RAB44: variants seen among roughly 807,000 people sequenced by gnomAD.
RAB44 encodes the protein ras-related protein Rab-44.
RAB44 carries 67 observed loss-of-function variants against 93.3 expected under a neutral mutation model. The ratio of observed to expected loss-of-function variants is 0.72; its 90% CI spans 0.59 to 0.88. The LOEUF is 0.88. Ranked by LOEUF, RAB44 falls within the 40% of genes least tolerant of loss-of-function variation. RAB44 has a pLI of 0.00. For synonymous variants in RAB44, 427 were observed against 520.3 expected, an observed-to-expected ratio of 0.82 and a Z score of 2.44; for missense variants, 1,064 against 1,261.7, an observed-to-expected ratio of 0.84 and a Z score of 2.37.
intron 11 of RAB44, 125 bp downstream of exon 11, chr6:36,727,816 A>AT: frequency 2.9e-6 from 2 of 688,426 alleles, no homozygotes; most frequent in Non-Finnish European, 5.2e-6. Flanking sequence ...GACACCACCC[A>AT]CTGAGGGCAT....
Position 36,722,659 on chromosome 6 carries a change from C to T in RAB44, c.2525C>T (p.Ser842Phe). 2.6e-6 allele frequency: 4 copies of T among 1,550,654 alleles called. No homozygotes were observed. Among genetic ancestry groups the T allele is most frequent in the Non-Finnish European group, 3.5e-6 (4 of 1,147,010 alleles). The change falls in exon 9 of 14, where the codon TCC becomes TTC. Residue 842 changes from serine to phenylalanine, a missense_variant. By Grantham distance (155) the Ser-to-Phe change is radical (BLOSUM62 -2). Coordinates refer to ENST00000612677, the MANE Select transcript of RAB44 (RefSeq NM_001257357.2). ...YLFHVIFLGDSNVGKTSFLHL... is the reference protein window; with the variant it reads ...YLFHVIFLGDFNVGKTSFLHL... The stretch of plus-strand genomic sequence containing the variant: ...TTCCATGTCATCTTTCTGGGAGACT[C>T]CAACGTGGGCAAAACATCCTTCCTG...
chr6:36,727,784 A>G (rs1763274662), intron 11 of RAB44, 93 bp downstream of exon 11: 1 of 841,744 alleles, frequency 1.2e-6, no homozygotes, highest in Admixed American at 2.0e-5. Flanking sequence ...AGGATTACAA[A>G]TGACATGACA....
rs116730121 is a variant in RAB44 at position 36,704,189 on chromosome 6, C to T, written c.-12-35C>T. ...TGAGCCATGAGAGGGCGTGACTGTCCAGCAGCCCGGTGCCCCTCACTCCTC... is the reference window on the plus strand; with the variant it reads ...TGAGCCATGAGAGGGCGTGACTGTCTAGCAGCCCGGTGCCCCTCACTCCTC... On this transcript the variant is annotated intron_variant, in intron 1 of 13. Transcript: ENST00000612677. 4,638 of 1,506,270 alleles carry T rather than the reference C, an allele frequency of 3.1e-3. 107 individuals carry two copies. The African/African-American group carries it at 0.052, about 17-fold the overall frequency. 93.3% of individuals were successfully genotyped at this position (1,506,270 alleles called of 1,614,324 possible).
rs1018075279 is a variant in RAB44 at position 36,721,235 on chromosome 6, C to T, written c.1101C>T (p.Asn367=). The T allele has an allele frequency of 2.4e-5, 30 of 1,228,308 alleles. No individual in the cohort carries two copies. The Admixed American group carries it at 3.4e-4, about 14-fold the overall frequency. 76.1% of individuals were successfully genotyped at this position (1,228,308 alleles called of 1,614,324 possible). The part of the protein sequence containing the change: ...EAPLPGLFGD[N]DDWDQLLSNF... ...CCCTGCCTGGGCTATTTGGGGACAA[C>T]GATGACTGGGACCAGCTACTGAGCA... Residue 367 remains asparagine (N), a synonymous_variant, in exon 9 of 14, where the codon AAC becomes AAT. Coordinates refer to ENST00000612677, the MANE Select transcript of RAB44 (RefSeq NM_001257357.2).
At chr6:36,727,242 T>C (rs577037582) in intron 10 of RAB44, among the ~76,000 whole-genome samples, 4 of 152,208 alleles carry the variant, frequency 2.6e-5, no homozygotes, top group Non-Finnish European at 5.9e-5. Context: ...TGGGTGTATA[T>C]ATGTGTGTGT....
chr6:36,722,272 A>G lies in RAB44; in HGVS notation c.2138A>G (p.Gln713Arg), dbSNP rs1191569046. ...LETAHSELPQ[Q>R]DSLLVSLPSA... is the part of the protein sequence containing the mutation. Reference sequence around the variant, plus strand: ...ACTGCGCATTCGGAACTCCCCCAGCAAGACTCTCTGCTTGTTTCTCTCCCA... The same window carrying G: ...ACTGCGCATTCGGAACTCCCCCAGCGAGACTCTCTGCTTGTTTCTCTCCCA... The change falls in exon 9 of 14, where the codon CAA becomes CGA. Residue 713 changes from glutamine to arginine, a missense_variant. By Grantham distance (43) the Gln-to-Arg change is conservative (BLOSUM62 1). Coordinates refer to ENST00000612677, the MANE Select transcript of RAB44 (RefSeq NM_001257357.2). 8 of 1,290,678 alleles carry G rather than the reference A, an allele frequency of 6.2e-6. No homozygotes were observed. The highest frequency in any genetic ancestry group is 7.8e-6 in the Non-Finnish European group (8 of 1,021,152). The allele number at this position is 1,290,678 out of a possible 1,614,324, so 80.0% of individuals were successfully genotyped here. A position where few individuals can be genotyped will look rare whatever the true frequency, so the allele number is the denominator to read the frequency against.
At chr6:36,712,879 T>C (rs1275612611) in intron 2 of RAB44, among the ~76,000 whole-genome samples, 1 of 152,138 alleles carries the variant, frequency 6.6e-6, no homozygotes, top group Non-Finnish European at 1.5e-5. Context: ...AACTTATCAG[T>C]CATGTGCGGC....
intron 2 of RAB44, 97 bp downstream of exon 2, chr6:36,704,539 GC>G: frequency 8.8e-7 from 1 of 1,141,664 alleles, no homozygotes; most frequent in Non-Finnish European, 1.3e-6. Flanking sequence ...TGCTACCCCT[GC>G]CCCTTTCTCT....
Position 36,712,157 on chromosome 6 carries a change from G to A in RAB44, c.208-1671G>A, listed in dbSNP as rs550522277. Among the ~76,000 whole-genome samples the A allele has an allele frequency of 2.0e-5, 3 of 151,334 alleles. No individual in the cohort carries two copies. In the South Asian group the frequency reaches 6.3e-4, roughly 32 times the overall value. On this transcript the variant is annotated intron_variant, in intron 2 of 13. Coordinates refer to ENST00000612677, the MANE Select transcript of RAB44 (RefSeq NM_001257357.2). ...ATCTCTACTAAAAATACAAAAACTA[G>A]CCAGGTGTGGTGGCAGGCACAGGTA...
rs774935475 is a variant in RAB44, at chr6:36,717,543, G to A, written c.641+124G>A. ...CCTGTGAGCTGGATAGGGCAGAGCT[G>A]CGCTGGAGGAAGAGGTGGCTCAGGG... On this transcript the variant is annotated intron_variant, in intron 5 of 13. Coordinates refer to ENST00000612677, the MANE Select transcript of RAB44 (RefSeq NM_001257357.2). The surrounding 1 kb of genome is among the most constrained non-coding windows in gnomAD (Gnocchi z 4.1). 5.5e-6 allele frequency: 6 copies of A among 1,099,718 alleles called. No homozygotes were observed. The highest frequency in any genetic ancestry group is 6.9e-6 in the Non-Finnish European group (6 of 868,680). The allele number at this position is 1,099,718 out of a possible 1,614,324, so 68.1% of individuals were successfully genotyped here.
chr6:36,730,849 C>G, intron 13 of RAB44, 100 bp downstream of exon 13: 1 of 556,174 alleles, frequency 1.8e-6, no homozygotes, highest in Non-Finnish European at 2.6e-6. Flanking sequence ...GACAGGAAGG[C>G]CCATTCTGAG....
In RAB44 at chr6:36,718,478, C is replaced by T; in HGVS notation, c.733-15C>T. The T allele has an allele frequency of 8.3e-7, 1 of 1,200,924 alleles. No individual in the cohort carries two copies. The highest frequency in any genetic ancestry group is 1.0e-6 in the Non-Finnish European group (1 of 958,572). 74.4% of individuals were successfully genotyped at this position (1,200,924 alleles called of 1,614,324 possible). ...AGAGTCTGCAGGGTGAGGGCTGAAT[C>T]TACCTACTCCACAGAGCGACTCTCG... On this transcript the variant is annotated splice_polypyrimidine_tract_variant and intron_variant, in intron 6 of 13. Transcript: ENST00000612677.
At chr6:36,703,373 G>A (rs923201069) in intron 1 of RAB44, among the ~76,000 whole-genome samples, 2 of 152,216 alleles carry the variant, frequency 1.3e-5, no homozygotes, top group East Asian at 3.8e-4. Context: ...GCAGACAAGG[G>A]GGCACTGAGC....
intron 2 of RAB44, among the ~76,000 whole-genome samples, 153 bp downstream of exon 2, chr6:36,704,595 G>A (rs990444615): frequency 6.6e-6 from 1 of 152,188 alleles, no homozygotes; most frequent in African/African-American, 2.4e-5. Flanking sequence ...TTATACTAAT[G>A]TGAAAATGAC....
Position 36,727,003 on chromosome 6 carries a change from G to A in RAB44, c.2682-574G>A, listed in dbSNP as rs531389616. On this transcript the variant is annotated intron_variant, in intron 10 of 13. Coordinates refer to ENST00000612677, the MANE Select transcript of RAB44 (RefSeq NM_001257357.2). ...TTTAGTAGACACAGGGTTTCACCAT[G>A]TTGGCCAGGCCGATCTGGAACTCCT... Among the ~76,000 whole-genome samples the A allele has an allele frequency of 3.9e-5, 5 of 127,820 alleles. No individual in the cohort carries two copies. In the South Asian group the frequency reaches 1.2e-3, roughly 30 times the overall value. 83.9% of individuals were successfully genotyped at this position (127,820 alleles called of 152,430 possible).
rs376539816 is a variant in RAB44 at position 36,721,185 on chromosome 6, C to CAGGCTGCCTCCCCTGAGA, written c.1068_1069insAAGGCTGCCTCCCCTGAG (p.Glu356_Glu357insLysAlaAlaSerProGlu). The CAGGCTGCCTCCCCTGAGA allele has an allele frequency of 2.0e-3, 2,437 of 1,233,624 alleles. 34 individuals are homozygous for CAGGCTGCCTCCCCTGAGA. In the African/African-American group the frequency reaches 0.033, roughly 16 times the overall value. The allele number at this position is 1,233,624 out of a possible 1,614,324, so 76.4% of individuals were successfully genotyped here. A position where few individuals can be genotyped will look rare whatever the true frequency, so the allele number is the denominator to read the frequency against. On this transcript the variant is annotated inframe_insertion, in exon 9 of 14. Transcript: ENST00000612677. ...AGCGGGTGAGAAGACCCCAGACCCT[C>CAGGCTGCCTCCCCTGAGA]AGGCTGCCTCCCCTGAGGAGGCCCC... is the stretch of plus-strand genomic sequence containing the variant.
chr6:36,715,334 T>G (rs1762888430), intron 3 of RAB44, 145 bp from the exon 4 acceptor site: 14 of 733,500 alleles, frequency 1.9e-5, no homozygotes, highest in Non-Finnish European at 2.6e-5. Flanking sequence ...AAGGTTGATA[T>G]GAGAAATATG....
At chr6:36,702,304 G>T (rs1208787856) in intron 1 of RAB44, among the ~76,000 whole-genome samples, 1 of 99,724 alleles carries the variant, frequency 1.0e-5, no homozygotes, top group Non-Finnish European at 2.1e-5. Flanking sequence ...GAGAGAGAGA[G>T]AGAGAGAGAG....
Position 36,721,630 on chromosome 6 carries a change from T to C in RAB44, c.1496T>C (p.Leu499Ser). The change falls in exon 9 of 14, where the codon TTG becomes TCG. Residue 499 changes from leucine (L) to serine (S), a missense_variant. By Grantham distance (145) the Leu-to-Ser change is moderately radical. Coordinates refer to ENST00000612677, the MANE Select transcript of RAB44 (RefSeq NM_001257357.2). ...VAPAFKVLIP[L>S]EDGPPPPANS... ...CCTGCATTCAAAGTGCTCATTCCTT[T>C]GGAGGATGGGCCCCCTCCCCCTGCG... is the stretch of plus-strand genomic sequence containing the variant. 1 of 1,234,536 alleles carries C rather than the reference T, an allele frequency of 8.1e-7. No homozygotes were observed. Among genetic ancestry groups the C allele is most frequent in the Non-Finnish European group, 1.0e-6 (1 of 988,360 alleles). The allele number at this position is 1,234,536 out of a possible 1,614,324, so 76.5% of individuals were successfully genotyped here.
Sources: allele counts gnomAD v4.1 joint callset (sites outside exome capture counted in the v4.1 genomes callset), GRCh38; gene constraint gnomAD v4.1.1; non-coding constraint Gnocchi (gnomAD v3.1); transcripts MANE v1.5; gene names NCBI Gene and HGNC (gene_info 2026-07-23, HGNC 2026-07-21).